The following MYOM1 variants were observed in gnomAD, a reference collection of about 807,000 sequenced individuals.
The protein encoded by MYOM1 is myomesin-1.
Under a neutral mutation model 205.3 loss-of-function variants are expected in MYOM1, and 164 were observed. The observed-to-expected ratio is 0.80, with a 90% confidence interval of 0.70 to 0.91. The LOEUF (loss-of-function observed/expected upper bound fraction) is 0.91. Ranked by LOEUF, MYOM1 falls within the 40% of genes least tolerant of loss-of-function variation. MYOM1 has a pLI of 0.00. For missense variants in MYOM1, 2,011 were observed against 2,127.3 expected (o/e 0.95, Z 1.08); for synonymous variants, 772 against 789.4 (o/e 0.98, Z 0.37).
At chr18:3,109,029 G>A (rs140175645) in intron 22 of MYOM1, among the ~76,000 whole-genome samples, 3,456 of 151,566 alleles carry the variant, frequency 0.023, 128 homozygotes, top group African/African-American at 0.079. Flanking sequence ...TGCCCAGGCT[G>A]GAGTGCAGTG....
chr18:3,225,799 G>A, the MYOM1 span, among the ~76,000 whole-genome samples: 1 of 152,168 alleles, frequency 6.6e-6, no homozygotes, highest in East Asian at 1.9e-4. Context: ...CCCCTCTCTG[G>A]TTAATGAAGA....
chr18:3,196,180 C>T (rs1036133328), intron 2 of MYOM1, among the ~76,000 whole-genome samples: 11 of 152,206 alleles, frequency 7.2e-5, no homozygotes, highest in African/African-American at 2.6e-4. Flanking sequence ...CAGAGAGACA[C>T]AAACTTTAAA....
chr18:3,067,303 C>T lies in MYOM1; in HGVS notation c.5017G>A (p.Ala1673Thr), dbSNP rs1372474035. 1 of 1,610,368 alleles carries T rather than the reference C, an allele frequency of 6.2e-7. No homozygotes were observed. Among genetic ancestry groups the T allele is most frequent in the Non-Finnish European group, 8.5e-7 (1 of 1,179,208 alleles). Residue 1673 changes from alanine to threonine, a missense_variant, in exon 38 of 38, where the codon GCC becomes ACC. Transcript: ENST00000356443. ...CCACCTTTCAGGGACTCCAAGGCGG[C>T]CATCCTCGCCTCCTCCTCTGGGATG... ...VFIPEEEARM[A>T]ALESLKGGKK... is the part of the protein sequence containing the mutation.
At chr18:3,193,720 T>A in intron 3 of MYOM1, 98 bp downstream of exon 3, 1 of 1,272,350 alleles carries the variant, frequency 7.9e-7, no homozygotes, top group Non-Finnish European at 1.1e-6. Flanking sequence ...GCTATTTCTA[T>A]AATCTGTCCA....
upstream of MYOM1, among the ~76,000 whole-genome samples, chr18:3,222,046 C>T (rs967328858): frequency 6.6e-6 from 1 of 152,122 alleles, no homozygotes; most frequent in Admixed American, 6.6e-5. Context: ...AACTTATATG[C>T]TTTTTAAAAA....
chr18:3,205,934 TA>T (rs2081118804), intron 2 of MYOM1, among the ~76,000 whole-genome samples: 1 of 152,164 alleles, frequency 6.6e-6, no homozygotes, highest in African/African-American at 2.4e-5. Context: ...GATACAAGGA[TA>T]AATGTAAAAC....
intron 10 of MYOM1, among the ~76,000 whole-genome samples, chr18:3,157,751 T>C (rs566382722): frequency 6.7e-6 from 1 of 150,350 alleles, no homozygotes; most frequent in Non-Finnish European, 1.5e-5. Context: ...GAAGCTACGA[T>C]ATAGTGTGAG....
intron 34 of MYOM1, among the ~76,000 whole-genome samples, chr18:3,076,319 C>T (rs957357112): frequency 6.6e-6 from 1 of 152,190 alleles, no homozygotes; most frequent in Non-Finnish European, 1.5e-5. Context: ...TTGCCCGTCT[C>T]GGCCTCCCAA....
intron 1 of MYOM1, among the ~76,000 whole-genome samples, chr18:3,217,741 G>T (rs1380505878): frequency 1.3e-5 from 2 of 152,168 alleles, no homozygotes; most frequent in African/African-American, 4.8e-5. Context: ...CCAGCACTTT[G>T]AGAGGCCAAG....
intron 22 of MYOM1, among the ~76,000 whole-genome samples, chr18:3,107,412 C>T (rs571336270): frequency 1.8e-4 from 28 of 152,240 alleles, no homozygotes; most frequent in South Asian, 6.2e-4. Context: ...CCACCGCACC[C>T]GGCCAGGTTT....
intron 8 of MYOM1, among the ~76,000 whole-genome samples, chr18:3,173,265 C>T (rs1258261534): frequency 6.6e-6 from 1 of 152,182 alleles, no homozygotes; most frequent in Non-Finnish European, 1.5e-5. Context: ...ATTTAGACTT[C>T]ATTTTAGATT....
At chr18:3,072,349 G>GTTTTTTTT (rs1428461658) in intron 36 of MYOM1, among the ~76,000 whole-genome samples, 1 of 60,152 alleles carries the variant, frequency 1.7e-5, no homozygotes, top group African/African-American at 1.3e-4. Flanking sequence ...ACCGCACCCG[G>GTTTTTTTT]CTTTTTTTTT....
chr18:3,236,813 A>T, the MYOM1 span, among the ~76,000 whole-genome samples: 1 of 152,196 alleles, frequency 6.6e-6, no homozygotes, highest in Non-Finnish European at 1.5e-5. Flanking sequence ...GCTGACAGAA[A>T]AGAGAAGAGA....
chr18:3,111,625 C>G (rs533530101), intron 22 of MYOM1, among the ~76,000 whole-genome samples: 12 of 152,236 alleles, frequency 7.9e-5, no homozygotes, highest in Non-Finnish European at 1.8e-4. Flanking sequence ...TATTTCAAAA[C>G]ACAGGAAAAT....
At chr18:3,134,178 C>T (rs1431920478) in intron 16 of MYOM1, among the ~76,000 whole-genome samples, 2 of 152,100 alleles carry the variant, frequency 1.3e-5, no homozygotes, top group Non-Finnish European at 2.9e-5. Flanking sequence ...AGCCACCACA[C>T]CCAGCCTTGT....
intron 17 of MYOM1, among the ~76,000 whole-genome samples, chr18:3,131,103 T>C (rs1281209997): frequency 1.3e-5 from 2 of 152,156 alleles, no homozygotes; most frequent in African/African-American, 4.8e-5. Flanking sequence ...GAAGTTAGAA[T>C]GGAGTTTCAC....
At position 3,175,646 on chromosome 18, in the gene MYOM1, A is replaced by AT. The variant is rs574516647; in HGVS notation, c.1022+395dup. Among the ~76,000 whole-genome samples the AT allele has an allele frequency of 2.0e-5, 3 of 152,312 alleles. No individual in the cohort carries two copies. The South Asian group carries it at 6.2e-4, about 32-fold the overall frequency. On this transcript the variant is annotated intron_variant, in intron 6 of 37. Coordinates refer to ENST00000356443, the MANE Select transcript of MYOM1 (RefSeq NM_003803.4). Reference sequence around the variant, plus strand: ...ACCCGGATCTCCATGGCCTTTAGTTATTAAAAACAAGAGACTGTGATGATG... The same window carrying AT: ...ACCCGGATCTCCATGGCCTTTAGTTATTTAAAAACAAGAGACTGTGATGATG...
Position 3,068,021 on chromosome 18 carries a change from T to C in MYOM1, c.4765-466A>G, listed in dbSNP as rs371802702. 3.2e-4 allele frequency among the ~76,000 whole-genome samples: 48 copies of C among 152,296 alleles called. No individual in the cohort carries two copies. The East Asian group carries it at 6.2e-3, about 20-fold the overall frequency. ...CGGCAGCTGCTTCAGATAATGTTAC[T>C]GATTTTCAAATTCCACCACCCTTAT... is the stretch of plus-strand genomic sequence containing the variant. On this transcript the variant is annotated intron_variant, in intron 37 of 37. Coordinates refer to ENST00000356443, the MANE Select transcript of MYOM1 (RefSeq NM_003803.4).
At chr18:3,244,378 T>G in the MYOM1 span, among the ~76,000 whole-genome samples, 1 of 152,204 alleles carries the variant, frequency 6.6e-6, no homozygotes, top group Non-Finnish European at 1.5e-5. Context: ...ATTCATATGT[T>G]GAAGGCCTAA....
Sources: gnomAD v4.1 joint callset for allele counts (sites outside exome capture counted in the v4.1 genomes callset) on GRCh38, gnomAD v4.1.1 for gene constraint, MANE v1.5 for transcripts, NCBI Gene and HGNC (gene_info 2026-07-23, HGNC 2026-07-21) for gene names.